SBF2: variants seen among roughly 807,000 people sequenced by gnomAD.
SBF2 encodes myotubularin-related protein 13.
Under a neutral mutation model 225.2 loss-of-function variants are expected in SBF2, and 112 were observed. That is an observed-to-expected ratio of 0.50 (90% confidence interval 0.43 to 0.58). The LOEUF is 0.58. Ranked by LOEUF, SBF2 falls within the 20% of genes least tolerant of loss-of-function variation. SBF2 has a pLI of 0.00. For missense variants in SBF2, 1,996 were observed against 2,206.2 expected, an observed-to-expected ratio of 0.90 and a Z score of 1.91; for synonymous variants, 763 against 773.3, an observed-to-expected ratio of 0.99 and a Z score of 0.22.
At chr11:10,260,111 G>C (rs1022591426) in intron 1 of SBF2, among the ~76,000 whole-genome samples, 10 of 152,118 alleles carry the variant, frequency 6.6e-5, no homozygotes, top group African/African-American at 2.4e-4. Context: ...TAGTTATTCA[G>C]ATCAGCTTTA....
At chr11:10,070,073 T>G (rs779973335) in intron 2 of SBF2, among the ~76,000 whole-genome samples, 1 of 152,178 alleles carries the variant, frequency 6.6e-6, no homozygotes, top group Non-Finnish European at 1.5e-5. Context: ...GTCAGATGGG[T>G]AGACTGCAAA....
At chr11:10,273,474 G>T (rs1474918856) in intron 1 of SBF2, among the ~76,000 whole-genome samples, 2 of 152,136 alleles carry the variant, frequency 1.3e-5, no homozygotes, top group East Asian at 1.9e-4. Flanking sequence ...TGCTTCTAAA[G>T]AACTTATTTT....
Position 9,780,043 on chromosome 11 carries a change from C to G in SBF2, c.*375G>C, listed in dbSNP as rs533676532. 3.7e-4 allele frequency: 107 copies of G among 289,020 alleles called. No individual in the cohort carries two copies. Among genetic ancestry groups the G allele is most frequent in the Non-Finnish European group, 4.8e-4 (70 of 146,042 alleles). 17.9% of individuals were successfully genotyped at this position (289,020 alleles called of 1,614,324 possible). A position where few individuals can be genotyped will look rare whatever the true frequency, so the allele number is the denominator to read the frequency against. ...GATTTTTGCTTGTTAAACAGGTCTC[C>G]GAGGAAATTATGACCTCAGAGAACA... On this transcript the variant is annotated 3_prime_UTR_variant, in exon 40 of 40. Transcript: ENST00000256190.
intron 1 of SBF2, among the ~76,000 whole-genome samples, chr11:10,283,282 T>G (rs1963531551): frequency 6.6e-6 from 1 of 152,184 alleles, no homozygotes; most frequent in Admixed American, 6.5e-5. Flanking sequence ...CAAATGGTTC[T>G]TGACAGGTGG....
chr11:9,870,918 G>A (rs1453430560), intron 17 of SBF2, among the ~76,000 whole-genome samples: 1 of 150,472 alleles, frequency 6.6e-6, no homozygotes, highest in Non-Finnish European at 1.5e-5. Flanking sequence ...AGGTTGCAGT[G>A]AGCCGAGATC....
chr11:9,851,019 T>G, intron 21 of SBF2, among the ~76,000 whole-genome samples: 1 of 151,400 alleles, frequency 6.6e-6, no homozygotes, highest in Admixed American at 6.6e-5. Flanking sequence ...GCCTGTAATC[T>G]CAGCTACTCA....
chr11:10,083,452 T>C (rs762752681), intron 2 of SBF2, among the ~76,000 whole-genome samples: 18 of 151,980 alleles, frequency 1.2e-4, no homozygotes, highest in Non-Finnish European at 2.4e-4. Context: ...AAGAACAAAG[T>C]TGGAGGCCCC....
At position 9,789,091 on chromosome 11, in the gene SBF2, T is replaced by A; in HGVS notation, c.4932+18A>T. 6.2e-7 allele frequency: 1 copy of A among 1,608,906 alleles called. No homozygotes were observed. The highest frequency in any genetic ancestry group is 8.5e-7 in the Non-Finnish European group (1 of 1,175,248). On this transcript the variant is annotated intron_variant, in intron 35 of 39. Transcript: ENST00000256190. ...AGGGCCCCTGGTGCCCCTAGGTGTG[T>A]GTCTACAGTTGACTTACACTGAAAA...
At chr11:10,047,713 T>A (rs1370218730) in intron 2 of SBF2, among the ~76,000 whole-genome samples, 1 of 152,192 alleles carries the variant, frequency 6.6e-6, no homozygotes, top group African/African-American at 2.4e-5. Flanking sequence ...ATCGACATGA[T>A]TTCCTACATT....
rs537764076 is a variant in SBF2 at position 10,068,091 on chromosome 11, T to G, written c.142-25110A>C. Among the ~76,000 whole-genome samples, 8 of 152,380 alleles carry G rather than the reference T, an allele frequency of 5.3e-5. No homozygotes were observed. The South Asian group carries it at 1.4e-3, about 28-fold the overall frequency. Reference sequence around the variant, plus strand: ...GTGTTAATGGAGAAGGTCCCTCTGCTGCAGGCAGCAGAAATTCTCCCTGCA... The same window carrying G: ...GTGTTAATGGAGAAGGTCCCTCTGCGGCAGGCAGCAGAAATTCTCCCTGCA... On this transcript the variant is annotated intron_variant, in intron 2 of 39. Coordinates refer to ENST00000256190, the MANE Select transcript of SBF2 (RefSeq NM_030962.4).
intron 16 of SBF2, among the ~76,000 whole-genome samples, chr11:9,898,665 G>A (rs2134143655): frequency 6.6e-6 from 1 of 152,074 alleles, no homozygotes; most frequent in East Asian, 1.9e-4. Context: ...AGTGAGACCT[G>A]TCTTTTAAAA....
intron 1 of SBF2, among the ~76,000 whole-genome samples, chr11:10,258,742 A>C (rs1961136181): frequency 6.6e-6 from 1 of 152,198 alleles, no homozygotes; most frequent in South Asian, 2.1e-4. Context: ...ATAGGCACCA[A>C]AGGAATATAG....
At chr11:10,049,876 T>C (rs1043522538) in intron 2 of SBF2, among the ~76,000 whole-genome samples, 2 of 152,194 alleles carry the variant, frequency 1.3e-5, no homozygotes, top group African/African-American at 4.8e-5. Context: ...ATCCTTTTAC[T>C]TTCTCTCAAC....
chr11:10,186,299 A>C (rs1956932347), intron 2 of SBF2, among the ~76,000 whole-genome samples: 1 of 152,068 alleles, frequency 6.6e-6, no homozygotes. Context: ...GTGCTTTGGG[A>C]GGGCGAGGTG....
chr11:10,304,674 C>T (rs1322761251), exon 1 of SBF2: 2 of 152,332 alleles, frequency 1.3e-5, no homozygotes, highest in African/African-American at 2.4e-5. Flanking sequence ...GTCCAGGGCT[C>T]GGGCCATCCG....
At chr11:9,955,890 C>T (rs192194971) in intron 16 of SBF2, among the ~76,000 whole-genome samples, 55 of 152,066 alleles carry the variant, frequency 3.6e-4, no homozygotes, top group African/African-American at 9.2e-4. Context: ...ACTTTTACCA[C>T]GTATGTTTGT....
intron 2 of SBF2, among the ~76,000 whole-genome samples, chr11:10,133,005 T>G (rs889512981): frequency 6.7e-6 from 1 of 149,018 alleles, no homozygotes; most frequent in African/African-American, 2.5e-5. Context: ...GGGTGCTGAT[T>G]GGTGTGTTTA....
At chr11:9,918,813 G>A (rs951834409) in intron 16 of SBF2, among the ~76,000 whole-genome samples, 4 of 151,136 alleles carry the variant, frequency 2.6e-5, no homozygotes, top group Non-Finnish European at 5.9e-5. Context: ...ATCTCGGCTC[G>A]CTGCAAGCTC....
At chr11:9,798,084 C>A (rs548578663) in intron 32 of SBF2, among the ~76,000 whole-genome samples, 12 of 152,250 alleles carry the variant, frequency 7.9e-5, no homozygotes, top group Admixed American at 2.0e-4. Flanking sequence ...ATTAAAAAAT[C>A]TTTTATTTCC....
Sources: gnomAD v4.1 joint callset for allele counts (sites outside exome capture counted in the v4.1 genomes callset) on GRCh38, gnomAD v4.1.1 for gene constraint, MANE v1.5 for transcripts, NCBI Gene and HGNC (gene_info 2026-07-23, HGNC 2026-07-21) for gene names.